The following PCM1 variants were observed in gnomAD, a reference collection of about 807,000 sequenced individuals.
PCM1 encodes the protein pericentriolar material 1.
Under a neutral mutation model 241.9 loss-of-function variants are expected in PCM1, and 157 were observed. That is an observed-to-expected ratio of 0.65 (90% CI 0.57 to 0.74). PCM1 has a LOEUF of 0.74. Among genes scored for constraint, PCM1 ranks in the 30% least tolerant of loss-of-function variants. PCM1 has a pLI of 0.00. For synonymous variants in PCM1, 1,085 were observed against 784.9 expected (o/e 1.38, Z -6.39); for missense variants, 3,478 against 2,360.1 (o/e 1.47, Z -9.81).
Position 18,006,297 on chromosome 8 carries a change from T to C in PCM1, c.4862T>C (p.Leu1621Pro). ...GATGAAGTATGCTCCTCGCAGCTTC[T>C]AACTTCAGTAAGGCGCATGGTTTTG... ...HMDEVCSSQLLTSVRRMVLTL... is the reference protein window; with the variant it reads ...HMDEVCSSQLPTSVRRMVLTL... The change falls in exon 30 of 39, where the codon CTA (leucine) becomes CCA (proline). Residue 1621 changes from leucine (L) to proline (P), a missense_variant. Physicochemically the swap from Leu to Pro is moderately conservative, Grantham distance 98. Transcript: ENST00000325083. The C allele has an allele frequency of 6.2e-7, 1 of 1,612,166 alleles. No homozygotes were observed. Among genetic ancestry groups the C allele is most frequent in the Non-Finnish European group, 8.5e-7 (1 of 1,178,556 alleles).
In PCM1 at chr8:18,014,690, A is replaced by C; in HGVS notation, c.5691A>C (p.Ser1897=). 1 of 1,613,784 alleles carries C rather than the reference A, an allele frequency of 6.2e-7. No individual in the cohort carries two copies. The highest frequency in any genetic ancestry group is 8.5e-7 in the Non-Finnish European group (1 of 1,179,788). The change falls in exon 36 of 39, where the codon TCA becomes TCC. Residue 1897 remains serine, a synonymous_variant. Transcript: ENST00000325083. The part of the protein sequence containing the change: ...AHKESPPTVD[S]TQQPNPLPLR... Reference sequence around the variant, plus strand: ...AGGAGTCACCTCCTACTGTTGATTCAACTCAACAGCCTAACCCTTTGCCGT... The same window carrying C: ...AGGAGTCACCTCCTACTGTTGATTCCACTCAACAGCCTAACCCTTTGCCGT...
chr8:18,023,496 T>C (rs2129488493), intron 36 of PCM1, among the ~76,000 whole-genome samples: 1 of 152,364 alleles, frequency 6.6e-6, no homozygotes, highest in East Asian at 1.9e-4. Context: ...ATGAGTCATT[T>C]GGTCTCACTG....
chr8:18,014,521 T>A (rs1362940432), intron 35 of PCM1, 63 bp from the exon 36 acceptor site: 2 of 1,337,128 alleles, frequency 1.5e-6, no homozygotes, highest in Non-Finnish European at 2.1e-6. Flanking sequence ...TCTTTATTAG[T>A]ATAATAGTAA....
chr8:17,997,955 G>A (rs2087548768), intron 29 of PCM1, among the ~76,000 whole-genome samples: 1 of 150,870 alleles, frequency 6.6e-6, no homozygotes, highest in Non-Finnish European at 1.5e-5. Flanking sequence ...AGAATCGCTT[G>A]AACCCGGGAG....
chr8:18,019,958 G>T (rs2093626887), intron 36 of PCM1, among the ~76,000 whole-genome samples: 1 of 152,154 alleles, frequency 6.6e-6, no homozygotes, highest in Non-Finnish European at 1.5e-5. Context: ...AGTTAAGGGA[G>T]TTCATTGGTC....
intron 18 of PCM1, among the ~76,000 whole-genome samples, chr8:17,965,520 A>G (rs2074497428): frequency 1.3e-5 from 2 of 152,176 alleles, no homozygotes; most frequent in Admixed American, 1.3e-4. Context: ...ATCAGTCTTC[A>G]CTCCTGCTGT....
At chr8:17,940,465 G>C (rs2285305) in intron 6 of PCM1, among the ~76,000 whole-genome samples, 104,812 of 152,084 alleles carry the variant, frequency 0.69, 36,806 homozygotes, top group Non-Finnish European at 0.77. Context: ...AAGCATCGAG[G>C]AAGTTAAAAT....
Position 17,950,733 on chromosome 8 carries a change from G to A in PCM1, c.1071+9G>A, listed in dbSNP as rs769227189. On this transcript the variant is annotated intron_variant, in intron 8 of 38. Transcript: ENST00000325083. ...AGCTTCGTGATTCTCAGGTAACCTA[G>A]ATGTTTTAGTATAGTTGAGTTTAAA... 2 of 1,444,640 alleles carry A rather than the reference G, an allele frequency of 1.4e-6. No homozygotes were observed. The highest frequency in any genetic ancestry group is 3.7e-5 in the Admixed American group (2 of 54,066). 89.5% of individuals were successfully genotyped at this position (1,444,640 alleles called of 1,614,324 possible). A position where few individuals can be genotyped will look rare whatever the true frequency, so the allele number is the denominator to read the frequency against.
chr8:17,977,856 C>G (rs192651423), intron 23 of PCM1, among the ~76,000 whole-genome samples: 1 of 152,182 alleles, frequency 6.6e-6, no homozygotes, highest in Admixed American at 6.5e-5. Context: ...CCTCATCTTG[C>G]CATTATTAAA....
intron 36 of PCM1, among the ~76,000 whole-genome samples, chr8:18,017,146 A>G (rs2093302060): frequency 7.3e-6 from 1 of 136,620 alleles, no homozygotes; most frequent in African/African-American, 2.7e-5. Context: ...TACAAAAACA[A>G]CTGGAAAACA....
At chr8:17,949,738 C>G (rs1018544949) in intron 7 of PCM1, among the ~76,000 whole-genome samples, 5 of 152,168 alleles carry the variant, frequency 3.3e-5, no homozygotes, top group African/African-American at 1.2e-4. Flanking sequence ...CTCAAGTGAT[C>G]TGCCCACCTT....
At chr8:18,010,524 T>A in intron 31 of PCM1, 85 bp from the exon 32 acceptor site, 1 of 942,594 alleles carries the variant, frequency 1.1e-6, no homozygotes, top group Non-Finnish European at 1.6e-6. Context: ...ATAATCCCAG[T>A]ACTTTGGGAG....
intron 6 of PCM1, among the ~76,000 whole-genome samples, chr8:17,942,941 G>C (rs11203928): frequency 0.44 from 65,630 of 150,416 alleles, 16,468 homozygotes; most frequent in Non-Finnish European, 0.58. Context: ...AGGTTGCAGC[G>C]AGCCGAGATC....
chr8:17,980,709 A>T lies in PCM1; in HGVS notation c.4062A>T (p.Gln1354His), dbSNP rs754806860. The T allele has an allele frequency of 1.9e-6, 3 of 1,612,694 alleles. No individual in the cohort carries two copies. Among genetic ancestry groups the T allele is most frequent in the Admixed American group, 3.3e-5 (2 of 60,016 alleles). ...TATTCAGCAGAAAGAATCATGAGCA[A>T]CTGGAAAAAATAATAAAATGTAATA... ...AKVFSRKNHE[Q>H]LEKIIKCNRS... is the part of the protein sequence containing the mutation. The change falls in exon 24 of 39, where the codon CAA becomes CAT. Residue 1354 changes from glutamine to histidine, a missense_variant. By Grantham distance (24) the Gln-to-His change is conservative. Transcript: ENST00000325083.
chr8:18,021,745 A>C (rs2093771103), intron 36 of PCM1, among the ~76,000 whole-genome samples: 1 of 152,210 alleles, frequency 6.6e-6, no homozygotes, highest in Non-Finnish European at 1.5e-5. Context: ...TACCTTGGCC[A>C]AAAATTTTAC....
intron 4 of PCM1, among the ~76,000 whole-genome samples, chr8:17,938,271 C>A (rs537453955): frequency 6.6e-6 from 1 of 152,068 alleles, no homozygotes; most frequent in Non-Finnish European, 1.5e-5. Flanking sequence ...AACTTTGTTT[C>A]GTGCACAAAA....
At chr8:17,945,263 G>A (rs188526185) in intron 6 of PCM1, among the ~76,000 whole-genome samples, 1 of 152,166 alleles carries the variant, frequency 6.6e-6, no homozygotes, top group African/African-American at 2.4e-5. Flanking sequence ...GGAAATGGAT[G>A]TAAATATTTA....
chr8:17,991,055 T>A (rs553282002), intron 27 of PCM1, among the ~76,000 whole-genome samples: 1 of 152,136 alleles, frequency 6.6e-6, no homozygotes, highest in South Asian at 2.1e-4. Flanking sequence ...TATTTTTTTT[T>A]TTTTCTTACA....
rs201506038 is a variant in PCM1, at chr8:17,932,628, A to AT, written c.-22-2952dup. ...TAACTATACTTAGTATTTCTTTGAGATTTTTTTTTCTCCCAAGCTCTCATT... is the reference window on the plus strand; with the variant it reads ...TAACTATACTTAGTATTTCTTTGAGATTTTTTTTTTCTCCCAAGCTCTCATT... On this transcript the variant is annotated intron_variant, in intron 2 of 38. Transcript: ENST00000325083. 1.1e-3 allele frequency among the ~76,000 whole-genome samples: 170 copies of AT among 151,142 alleles called. 1 individual carries two copies. The highest frequency in any genetic ancestry group is 3.1e-3 in the African/African-American group (129 of 41,264).
Sources: allele counts gnomAD v4.1 joint callset (sites outside exome capture counted in the v4.1 genomes callset), GRCh38; gene constraint gnomAD v4.1.1; transcripts MANE v1.5; gene names NCBI Gene and HGNC (gene_info 2026-07-23, HGNC 2026-07-21).